FAM20C: variants seen among roughly 807,000 people sequenced by gnomAD.
FAM20C encodes the protein extracellular serine/threonine protein kinase FAM20C.
A neutral mutation model predicts 51.5 loss-of-function variants in FAM20C; 40 were observed. The ratio of observed to expected loss-of-function variants is 0.78; its 90% CI spans 0.60 to 1.01. FAM20C has a LOEUF of 1.01. FAM20C is among the 50% of genes least tolerant of loss of function. The probability of loss-of-function intolerance (pLI) is 0.00; values close to 1 mark genes in which losing one functional copy is unlikely to be tolerated. For missense variants in FAM20C, 861 were observed against 844.7 expected (o/e 1.02, Z -0.24); for synonymous variants, 406 against 380.6 (o/e 1.07, Z -0.78).
chr7:243,025 T>C (rs796392708), intron 3 of FAM20C, among the ~76,000 whole-genome samples: 87 of 82,976 alleles, frequency 1.0e-3, no homozygotes, highest in South Asian at 5.4e-3. Context: ...AGACCTGTGC[T>C]AACCAGGAGA....
chr7:210,556 C>A (rs1252703457), intron 3 of FAM20C, among the ~76,000 whole-genome samples: 1 of 152,086 alleles, frequency 6.6e-6, no homozygotes, highest in African/African-American at 2.4e-5. Context: ...GAGCTGGCTT[C>A]GAGCCGCGGG....
intron 3 of FAM20C, among the ~76,000 whole-genome samples, chr7:230,373 G>GC (rs1554253397): frequency 5.9e-5 from 3 of 51,146 alleles, no homozygotes; most frequent in South Asian, 2.2e-3. Flanking sequence ...AGGACGGGGT[G>GC]GGGGGGGGGG....
At chr7:256,595 A>ACGCG (rs1788599779) in intron 6 of FAM20C, 59 bp from the exon 7 acceptor site, 1 of 1,381,364 alleles carries the variant, frequency 7.2e-7, no homozygotes, top group East Asian at 2.5e-5. Context: ...TCCTCATGGC[A>ACGCG]CGCGCCGGGC....
At chr7:195,787 G>A in intron 2 of FAM20C, 55 bp downstream of exon 2, 1 of 1,454,328 alleles carries the variant, frequency 6.9e-7, no homozygotes, top group Non-Finnish European at 9.1e-7. Context: ...TGTGGCATCA[G>A]GGCTGCTGGG....
At chr7:236,588 A>C (rs1787854240) in intron 3 of FAM20C, among the ~76,000 whole-genome samples, 1 of 152,208 alleles carries the variant, frequency 6.6e-6, no homozygotes, top group Non-Finnish European at 1.5e-5. Context: ...ACTGAGGCCT[A>C]GGGCCACCCA....
At chr7:216,734 C>T (rs920530215) in intron 3 of FAM20C, among the ~76,000 whole-genome samples, 2 of 148,922 alleles carry the variant, frequency 1.3e-5, no homozygotes, top group Non-Finnish European at 1.5e-5. Context: ...TGTCCGTCTA[C>T]GTCTCCCAAA....
chr7:247,288 A>T (rs138145774), intron 4 of FAM20C, among the ~76,000 whole-genome samples: 28,745 of 152,074 alleles, frequency 0.19, 2,827 homozygotes, highest in African/African-American at 0.22. Context: ...CAAGGGCAGT[A>T]AACGGGCCTG....
At chr7:226,551 C>T (rs891268503) in intron 3 of FAM20C, among the ~76,000 whole-genome samples, 10 of 152,212 alleles carry the variant, frequency 6.6e-5, no homozygotes, top group East Asian at 5.8e-4. Context: ...GTGTGCCCCC[C>T]GGTCGTGGCC....
At chr7:195,955 A>T (rs1004122513) in intron 2 of FAM20C, among the ~76,000 whole-genome samples, 1 of 152,118 alleles carries the variant, frequency 6.6e-6, no homozygotes, top group Non-Finnish European at 1.5e-5. Flanking sequence ...ATGAGCGGGG[A>T]GACGCCTGGA....
intron 2 of FAM20C, among the ~76,000 whole-genome samples, chr7:207,012 G>C (rs1440294104): frequency 2.1e-5 from 1 of 46,590 alleles, no homozygotes. Context: ...CTGTCCCCTC[G>C]GCCCCGCACA....
intron 8 of FAM20C, among the ~76,000 whole-genome samples, chr7:258,131 G>A (rs1448601574): frequency 7.9e-6 from 1 of 127,006 alleles, no homozygotes; most frequent in East Asian, 2.3e-4. Flanking sequence ...TAGGCGGGGT[G>A]GACCCACTGA....
At chr7:258,814 A>C in intron 9 of FAM20C, 109 bp downstream of exon 9, 2 of 1,098,970 alleles carry the variant, frequency 1.8e-6, no homozygotes, top group Non-Finnish European at 2.5e-6. Context: ...CATGGGAGAG[A>C]AAAGGCCCCG....
At chr7:223,587 C>T (rs1361921041) in intron 3 of FAM20C, among the ~76,000 whole-genome samples, 3 of 152,164 alleles carry the variant, frequency 2.0e-5, no homozygotes, top group Admixed American at 1.3e-4. Flanking sequence ...CGTCTGCAGC[C>T]GGCTCGTCTG....
intron 1 of FAM20C, 169 bp from the exon 2 acceptor site, chr7:195,385 G>A: frequency 9.6e-6 from 5 of 518,928 alleles, no homozygotes; most frequent in Non-Finnish European, 1.6e-5. Context: ...AGCGGCCACA[G>A]AAGAAAGCGC....
chr7:196,707 G>T (rs1187679350), intron 2 of FAM20C, among the ~76,000 whole-genome samples: 4 of 152,320 alleles, frequency 2.6e-5, no homozygotes, highest in Admixed American at 2.6e-4. Context: ...GCTGACACAG[G>T]ACTTAGGTGT....
intron 3 of FAM20C, among the ~76,000 whole-genome samples, chr7:233,793 C>G (rs1480351327): frequency 6.6e-6 from 1 of 152,174 alleles, no homozygotes; most frequent in African/African-American, 2.4e-5. Context: ...TTTGGGGGAC[C>G]GTTATTCTGC....
chr7:223,249 C>T (rs1787320399), intron 3 of FAM20C, among the ~76,000 whole-genome samples: 1 of 152,182 alleles, frequency 6.6e-6, no homozygotes, highest in Non-Finnish European at 1.5e-5. Flanking sequence ...CCCAGCCTCA[C>T]AGGGATGGAG....
At chr7:214,621 C>T (rs1389318517) in intron 3 of FAM20C, among the ~76,000 whole-genome samples, 3 of 152,046 alleles carry the variant, frequency 2.0e-5, no homozygotes, top group African/African-American at 7.2e-5. Context: ...GACTGAGTGC[C>T]CTCACCTCCT....
chr7:200,753 G>C (rs1786091507), intron 2 of FAM20C, among the ~76,000 whole-genome samples: 1 of 152,206 alleles, frequency 6.6e-6, no homozygotes, highest in Non-Finnish European at 1.5e-5. Context: ...GTGTGTGATG[G>C]ACGGGACTTT....
Sources: gnomAD v4.1 joint callset for allele counts (sites outside exome capture counted in the v4.1 genomes callset) on GRCh38, gnomAD v4.1.1 for gene constraint, MANE v1.5 for transcripts, NCBI Gene and HGNC (gene_info 2026-07-23, HGNC 2026-07-21) for gene names.